TBC1D5: variants seen among roughly 807,000 people sequenced by gnomAD.
The protein encoded by TBC1D5 is TBC1 domain family, member 5.
A neutral mutation model predicts 100.3 loss-of-function variants in TBC1D5; 75 were observed. The observed-to-expected ratio is 0.75, with a 90% CI of 0.62 to 0.91. The LOEUF (loss-of-function observed/expected upper bound fraction) is 0.91. Ranked by LOEUF, TBC1D5 falls within the 40% of genes least tolerant of loss-of-function variation. The probability of loss-of-function intolerance (pLI) is 0.00; values close to 1 mark genes in which losing one functional copy is unlikely to be tolerated. For synonymous variants in TBC1D5, 323 were observed against 325.6 expected (o/e 0.99, Z 0.09); for missense variants, 910 against 942.4 (o/e 0.97, Z 0.45).
At chr3:17,607,026 A>G (rs934708371) in intron 2 of TBC1D5, among the ~76,000 whole-genome samples, 4 of 152,206 alleles carry the variant, frequency 2.6e-5, no homozygotes, top group Non-Finnish European at 4.4e-5. Context: ...CCAGATATAT[A>G]TATCTGCTGT....
intron 2 of TBC1D5, among the ~76,000 whole-genome samples, chr3:17,521,205 C>T (rs1361379185): frequency 6.6e-6 from 1 of 152,132 alleles, no homozygotes; most frequent in Non-Finnish European, 1.5e-5. Flanking sequence ...TCTGAGACTA[C>T]AGCTGACCCT....
chr3:17,612,999 T>G (rs2061808966), intron 2 of TBC1D5, among the ~76,000 whole-genome samples: 1 of 152,146 alleles, frequency 6.6e-6, no homozygotes, highest in African/African-American at 2.4e-5. Flanking sequence ...ACAAGTCATT[T>G]ACATTACATA....
chr3:17,616,963 G>T (rs908673453), intron 2 of TBC1D5, among the ~76,000 whole-genome samples: 1 of 152,200 alleles, frequency 6.6e-6, no homozygotes, highest in Non-Finnish European at 1.5e-5. Flanking sequence ...CCCGTTAATT[G>T]ATGCAGTTTC....
At chr3:17,328,399 T>C (rs954159418) in intron 13 of TBC1D5, among the ~76,000 whole-genome samples, 4 of 152,218 alleles carry the variant, frequency 2.6e-5, no homozygotes, top group African/African-American at 9.6e-5. Flanking sequence ...TCCATGATCA[T>C]TGGTCAGTGT....
chr3:17,234,678 A>T (rs2075717389), intron 17 of TBC1D5, among the ~76,000 whole-genome samples: 1 of 152,174 alleles, frequency 6.6e-6, no homozygotes, highest in Admixed American at 6.6e-5. Flanking sequence ...AAAGCATTTT[A>T]AAAAAGCATC....
chr3:17,158,651 C>T (rs1470248997), exon 22 of TBC1D5: 1 of 152,152 alleles, frequency 6.6e-6, no homozygotes, highest in East Asian at 1.9e-4. Flanking sequence ...ACCGAGAGGA[C>T]CTGCCTCTAG....
intron 14 of TBC1D5, among the ~76,000 whole-genome samples, chr3:17,295,100 TA>T (rs2082119746): frequency 6.6e-6 from 1 of 152,230 alleles, no homozygotes; most frequent in East Asian, 1.9e-4. Context: ...TACCTACATG[TA>T]AAATGAAGTA....
At chr3:17,473,893 T>A (rs912443639) in intron 3 of TBC1D5, among the ~76,000 whole-genome samples, 45 of 152,266 alleles carry the variant, frequency 3.0e-4, no homozygotes, top group African/African-American at 1.1e-3. Flanking sequence ...ACTTTACTTT[T>A]TTTTTTTGCT....
At chr3:17,442,324 A>C (rs1198410978) in intron 3 of TBC1D5, among the ~76,000 whole-genome samples, 1 of 152,184 alleles carries the variant, frequency 6.6e-6, no homozygotes, top group Non-Finnish European at 1.5e-5. Context: ...TGGTGTGGGC[A>C]CCTAAAACTC....
At chr3:17,162,025 A>G (rs2066108818) in intron 21 of TBC1D5, among the ~76,000 whole-genome samples, 3 of 116,834 alleles carry the variant, frequency 2.6e-5, no homozygotes, top group Admixed American at 2.4e-4. Context: ...TTATTTTTTA[A>G]CTTACTTAAT....
intron 17 of TBC1D5, among the ~76,000 whole-genome samples, chr3:17,228,635 T>C (rs1337557293): frequency 2.0e-5 from 3 of 151,934 alleles, no homozygotes; most frequent in Non-Finnish European, 4.4e-5. Flanking sequence ...ATCCAGGCCA[T>C]GGTCTGCTTA....
chr3:17,654,102 G>A (rs1395793210), intron 1 of TBC1D5, among the ~76,000 whole-genome samples: 1 of 152,012 alleles, frequency 6.6e-6, no homozygotes, highest in African/African-American at 2.4e-5. Flanking sequence ...ATTTTCGACA[G>A]CAGACTTCAA....
chr3:17,580,773 AACATTT>A (rs2096689151), intron 2 of TBC1D5, among the ~76,000 whole-genome samples: 2 of 152,102 alleles, frequency 1.3e-5, no homozygotes, highest in South Asian at 4.1e-4. Flanking sequence ...TCTTCCTTCA[AACATTT>A]ACATCACTTT....
At chr3:17,284,813 C>T (rs1423328295) in intron 15 of TBC1D5, among the ~76,000 whole-genome samples, 3 of 152,092 alleles carry the variant, frequency 2.0e-5, no homozygotes, top group African/African-American at 7.2e-5. Context: ...AAATGCTAAT[C>T]TATGTCAAAA....
At chr3:17,628,983 G>T (rs754101059) in intron 1 of TBC1D5, among the ~76,000 whole-genome samples, 5 of 152,178 alleles carry the variant, frequency 3.3e-5, no homozygotes, top group Admixed American at 2.0e-4. Context: ...AAACTGAAAA[G>T]AAAGAAATTA....
At chr3:17,409,339 T>C (rs916949829) in intron 4 of TBC1D5, among the ~76,000 whole-genome samples, 2 of 152,184 alleles carry the variant, frequency 1.3e-5, no homozygotes, top group African/African-American at 2.4e-5. Context: ...GTGAACTTAC[T>C]GATAAATGTT....
At chr3:17,291,805 A>T in intron 15 of TBC1D5, 90 bp downstream of exon 15, 1 of 1,245,622 alleles carries the variant, frequency 8.0e-7, no homozygotes, top group Non-Finnish European at 1.1e-6. Flanking sequence ...CCATTAGGCA[A>T]ATTCCACATT....
rs942201114 is a variant in TBC1D5 at position 17,209,021 on chromosome 3, C to T, written c.1752+5186G>A. On this transcript the variant is annotated intron_variant, in intron 18 of 21. Coordinates refer to ENST00000253692, the Ensembl canonical transcript of TBC1D5. ...CAATACAATGAAATGGTGCTTTATA[C>T]AACTGTTCCTGTTATGAAGAACAGT... 2.0e-5 allele frequency among the ~76,000 whole-genome samples: 3 copies of T among 152,242 alleles called. No homozygotes were observed. In the East Asian group the frequency reaches 5.8e-4, roughly 29 times the overall value.
At chr3:17,732,752 A>C (rs563850646) in intron 1 of TBC1D5, among the ~76,000 whole-genome samples, 1 of 66,626 alleles carries the variant, frequency 1.5e-5, no homozygotes, top group African/African-American at 4.5e-5. Flanking sequence ...AATAAAATTT[A>C]AATATATATC....
Sources: allele counts gnomAD v4.1 joint callset (sites outside exome capture counted in the v4.1 genomes callset), GRCh38; gene constraint gnomAD v4.1.1; transcripts MANE v1.5; gene names NCBI Gene and HGNC (gene_info 2026-07-23, HGNC 2026-07-21).